The following EPHA6 variants were observed in gnomAD, a reference collection of about 807,000 sequenced individuals.
EPHA6 encodes the protein ephrin type-A receptor 6.
A neutral mutation model predicts 112.0 loss-of-function variants in EPHA6; 50 were observed. That is an observed-to-expected ratio of 0.45 (90% CI 0.36 to 0.56). The LOEUF is 0.56. Among genes scored for constraint, EPHA6 ranks in the 20% least tolerant of loss-of-function variants. EPHA6 has a pLI of 0.00. For missense variants in EPHA6, 1,280 were observed against 1,417.4 expected (o/e 0.90, Z 1.56); for synonymous variants, 529 against 490.7 (o/e 1.08, Z -1.03).
At chr3:96,975,173 C>T (rs902227403) in intron 2 of EPHA6, among the ~76,000 whole-genome samples, 2 of 151,984 alleles carry the variant, frequency 1.3e-5, no homozygotes, top group Non-Finnish European at 2.9e-5. Flanking sequence ...GCCCTATGAT[C>T]GATCATCTAG....
chr3:97,011,627 ATTTG>A (rs57119315), intron 3 of EPHA6, among the ~76,000 whole-genome samples: 1,987 of 152,194 alleles, frequency 0.013, 44 homozygotes, highest in African/African-American at 0.044. Flanking sequence ...TGTATTTGTG[ATTTG>A]TTTAACTTCT....
intron 14 of EPHA6, among the ~76,000 whole-genome samples, chr3:97,679,258 T>C (rs2031661282): frequency 2.6e-5 from 4 of 152,168 alleles, no homozygotes; most frequent in Non-Finnish European, 1.5e-5. Context: ...TAATCTGGAA[T>C]CTATTCAATC....
At chr3:97,495,555 C>A (rs9861466) in intron 10 of EPHA6, among the ~76,000 whole-genome samples, 14,917 of 151,928 alleles carry the variant, frequency 0.098, 2,312 homozygotes, top group African/African-American at 0.33. Context: ...TATTCCTATT[C>A]AATTTCATTG....
chr3:97,067,593 A>G (rs1468506240), intron 3 of EPHA6, among the ~76,000 whole-genome samples: 1 of 151,950 alleles, frequency 6.6e-6, no homozygotes, highest in Non-Finnish European at 1.5e-5. Flanking sequence ...ATAGGGAGCC[A>G]AGGAGGGAAT....
intron 11 of EPHA6, among the ~76,000 whole-genome samples, chr3:97,587,379 T>C (rs553125648): frequency 1.6e-4 from 25 of 152,346 alleles, no homozygotes; most frequent in African/African-American, 5.8e-4. Context: ...GTAAATCATA[T>C]ATATGTTCTG....
chr3:96,926,318 G>A (rs536151452), intron 2 of EPHA6, among the ~76,000 whole-genome samples: 58 of 152,152 alleles, frequency 3.8e-4, no homozygotes, highest in African/African-American at 1.2e-3. Flanking sequence ...CCCCTTCCTC[G>A]ACACATGGGG....
chr3:97,005,823 T>A (rs969206482), intron 3 of EPHA6, among the ~76,000 whole-genome samples: 1 of 152,222 alleles, frequency 6.6e-6, no homozygotes, highest in Non-Finnish European at 1.5e-5. Context: ...GTTTTTAACA[T>A]GAAGGGATAT....
intron 3 of EPHA6, among the ~76,000 whole-genome samples, chr3:97,206,819 A>G (rs913799024): frequency 2.0e-5 from 3 of 152,114 alleles, no homozygotes; most frequent in Non-Finnish European, 2.9e-5. Context: ...TACATTTATC[A>G]AAGTTATTCC....
At chr3:97,467,990 T>G (rs1320550714) in intron 7 of EPHA6, among the ~76,000 whole-genome samples, 2 of 151,784 alleles carry the variant, frequency 1.3e-5, no homozygotes, top group Non-Finnish European at 3.0e-5. Context: ...TTTGGCATTT[T>G]TACCTGACAA....
intron 5 of EPHA6, among the ~76,000 whole-genome samples, chr3:97,350,620 C>A (rs1262877113): frequency 6.6e-6 from 1 of 152,130 alleles, no homozygotes; most frequent in Non-Finnish European, 1.5e-5. Flanking sequence ...CAGTTGTCAT[C>A]ATTTGCTTCT....
chr3:97,351,132 C>T (rs923104033), intron 5 of EPHA6, among the ~76,000 whole-genome samples: 2 of 152,166 alleles, frequency 1.3e-5, no homozygotes, highest in Non-Finnish European at 2.9e-5. Flanking sequence ...AAATGGCAGA[C>T]ATCCATCCTT....
chr3:97,302,360 A>G (rs1238492791), intron 5 of EPHA6, among the ~76,000 whole-genome samples: 1 of 151,976 alleles, frequency 6.6e-6, no homozygotes, highest in Non-Finnish European at 1.5e-5. Flanking sequence ...TACTAAAAAT[A>G]AAGAGTAAAA....
At chr3:97,155,992 G>A (rs1368049689) in intron 3 of EPHA6, among the ~76,000 whole-genome samples, 1 of 152,150 alleles carries the variant, frequency 6.6e-6, no homozygotes, top group Non-Finnish European at 1.5e-5. Flanking sequence ...GGATAATCCA[G>A]AATAATCTCC....
intron 13 of EPHA6, among the ~76,000 whole-genome samples, chr3:97,618,941 C>T (rs1280341305): frequency 6.6e-6 from 1 of 152,036 alleles, no homozygotes; most frequent in East Asian, 1.9e-4. Flanking sequence ...GATACCAAAA[C>T]CTGGCAGCAA....
chr3:97,425,503 G>A lies in EPHA6; in HGVS notation c.1731+20229G>A, dbSNP rs139779309. Among the ~76,000 whole-genome samples the A allele has an allele frequency of 4.2e-3, 640 of 152,322 alleles. 6 individuals carry two copies. The highest frequency in any genetic ancestry group is 0.014 in the African/African-American group (596 of 41,582). ...CCATGGCTGGAGTGGCTGGGATGCAGGGCACCAAGTCCCTAGGCTGTGCAC... is the reference window on the plus strand; with the variant it reads ...CCATGGCTGGAGTGGCTGGGATGCAAGGCACCAAGTCCCTAGGCTGTGCAC... On this transcript the variant is annotated intron_variant, in intron 6 of 17. Transcript: ENST00000389672.
intron 7 of EPHA6, chr3:97,466,143 G>C: frequency 1.8e-6 from 1 of 565,890 alleles, no homozygotes; most frequent in South Asian, 1.7e-5. Context: ...GAAAAAGGTT[G>C]TTTTAGAAAG....
chr3:97,580,034 C>T (rs971123556), intron 11 of EPHA6, among the ~76,000 whole-genome samples: 1 of 152,170 alleles, frequency 6.6e-6, no homozygotes, highest in African/African-American at 2.4e-5. Flanking sequence ...GTCCTATTCT[C>T]TTAGATATTA....
intron 5 of EPHA6, among the ~76,000 whole-genome samples, chr3:97,332,948 G>T (rs1457384250): frequency 6.6e-6 from 1 of 151,602 alleles, no homozygotes; most frequent in African/African-American, 2.4e-5. Flanking sequence ...CTATTGCAGA[G>T]TCTGTCTTTC....
At chr3:96,941,105 T>C (rs1462601525) in intron 2 of EPHA6, among the ~76,000 whole-genome samples, 1 of 152,184 alleles carries the variant, frequency 6.6e-6, no homozygotes, top group African/African-American at 2.4e-5. Flanking sequence ...AGGAGTATCT[T>C]TGTGGCATTC....
Sources: allele counts gnomAD v4.1 joint callset (sites outside exome capture counted in the v4.1 genomes callset), GRCh38; gene constraint gnomAD v4.1.1; transcripts MANE v1.5; gene names NCBI Gene and HGNC (gene_info 2026-07-23, HGNC 2026-07-21).